RNH1: variants seen among roughly 807,000 people sequenced by gnomAD.
RNH1 encodes ribonuclease/angiogenin inhibitor 1.
Under a neutral mutation model 46.1 loss-of-function variants are expected in RNH1, and 38 were observed. The ratio of observed to expected loss-of-function variants is 0.82; its 90% CI spans 0.64 to 1.08. The LOEUF (loss-of-function observed/expected upper bound fraction) is 1.08, where lower values mean the gene tolerates loss of function less well. RNH1 is among the 50% of genes least tolerant of loss of function. The probability of loss-of-function intolerance (pLI) is 0.00; values close to 1 mark genes in which losing one functional copy is unlikely to be tolerated. For synonymous variants in RNH1, 319 were observed against 279.1 expected, an observed-to-expected ratio of 1.14 and a Z score of -1.43; for missense variants, 577 against 590.7, an observed-to-expected ratio of 0.98 and a Z score of 0.24.
chr11:495,883 C>T (rs563974985), intron 9 of RNH1, among the ~76,000 whole-genome samples: 17 of 152,142 alleles, frequency 1.1e-4, no homozygotes, highest in Non-Finnish European at 2.2e-4. Flanking sequence ...CAGCCACCCA[C>T]GGAAAGCCCC....
At position 501,021 on chromosome 11, in the gene RNH1, G is replaced by A. The variant is rs556699636; in HGVS notation, c.102-367C>T. ...CGCATGCCCATAATCCCAGCTACTC[G>A]GGAGGCTGAGGCAGGAGGATCACTT... On this transcript the variant is annotated intron_variant, in intron 3 of 10. Coordinates refer to ENST00000354420, the MANE Select transcript of RNH1 (RefSeq NM_203387.3). The surrounding 1 kb of genome is among the most constrained non-coding windows in gnomAD (Gnocchi z 4.1). The A allele has an allele frequency of 1.1e-4, 40 of 368,540 alleles. No homozygotes were observed. Among genetic ancestry groups the A allele is most frequent in the South Asian group, 7.8e-4 (37 of 47,418 alleles). The allele number at this position is 368,540 out of a possible 1,614,324, so 22.8% of individuals were successfully genotyped here.
Position 494,936 on chromosome 11 carries a change from G to A in RNH1, c.1245C>T (p.Ile415=). The A allele has an allele frequency of 1.9e-6, 3 of 1,610,040 alleles. No individual in the cohort carries two copies. The highest frequency in any genetic ancestry group is 2.5e-6 in the Non-Finnish European group (3 of 1,178,564). The change falls in exon 10 of 11, where the codon ATC becomes ATT. Residue 415 remains isoleucine, a synonymous_variant. Coordinates refer to ENST00000354420, the MANE Select transcript of RNH1 (RefSeq NM_203387.3). ...GCCGGACGCTCTCCACCAGCTGCAG[G>A]ATGCCGGCGTCCCCCAGGCAGTTGT... ...LSNNCLGDAG[I]LQLVESVRQP... is the part of the protein sequence containing the mutation.
rs1848947389 is a variant in RNH1 at position 495,181 on chromosome 11, C to A, written c.1128-128G>T. ...GGCAACTCAGGACCCTCAGGTGGGGCCGTCCCCAAGGCTCACCGTCCCTGT... is the reference window on the plus strand; with the variant it reads ...GGCAACTCAGGACCCTCAGGTGGGGACGTCCCCAAGGCTCACCGTCCCTGT... On this transcript the variant is annotated intron_variant, in intron 9 of 10. Coordinates refer to ENST00000354420, the MANE Select transcript of RNH1 (RefSeq NM_203387.3). 5.2e-6 allele frequency: 5 copies of A among 952,652 alleles called. No individual in the cohort carries two copies. The South Asian group carries it at 7.5e-5, about 14-fold the overall frequency. 59.0% of individuals were successfully genotyped at this position (952,652 alleles called of 1,614,324 possible). A position where few individuals can be genotyped will look rare whatever the true frequency, so the allele number is the denominator to read the frequency against.
intron 4 of RNH1, 58 bp from the exon 5 acceptor site, chr11:500,057 C>T: frequency 6.8e-7 from 1 of 1,468,856 alleles, no homozygotes; most frequent in Non-Finnish European, 9.0e-7. Context: ...ACGCCCTTCG[C>T]CTGCCAGAGC....
intron 4 of RNH1, 96 bp downstream of exon 4, chr11:500,388 G>C (rs891667703): frequency 7.1e-7 from 1 of 1,402,708 alleles, no homozygotes. Flanking sequence ...CTGTCCACCT[G>C]CAGCTGCCCA....
At chr11:499,758 G>T in intron 5 of RNH1, 71 bp downstream of exon 5, 1 of 1,558,330 alleles carries the variant, frequency 6.4e-7, no homozygotes, top group South Asian at 1.2e-5. Context: ...GGCAGGCGAT[G>T]TTCTATGTAG....
chr11:497,936 C>A (rs775999684), intron 9 of RNH1, 35 bp downstream of exon 9: 1 of 1,596,100 alleles, frequency 6.3e-7, no homozygotes, highest in South Asian at 1.1e-5. Context: ...ATATGATCTC[C>A]CAAATGTGCA....
In RNH1 at chr11:498,106, G is replaced by A. The variant is rs1422131710; in HGVS notation, c.992C>T (p.Ser331Phe). Residue 331 changes from serine (S) to phenylalanine (F), a missense_variant, in exon 9 of 11, where the codon TCC becomes TTC. Physicochemically the swap from Ser to Phe is radical, Grantham distance 155 (BLOSUM62 -2). Transcript: ENST00000354420. ...CTGGGCCAGCACTGAGCTGAAGTGG[G>A]AGCAGCAGGCGGCTGTGAAGCTGCA... is the stretch of plus-strand genomic sequence containing the variant. ...KSCSFTAACC[S>F]HFSSVLAQNR... The A allele has an allele frequency of 3.7e-6, 6 of 1,613,876 alleles. No individual in the cohort carries two copies. The highest frequency in any genetic ancestry group is 2.2e-5 in the East Asian group (1 of 44,904).
rs1327677309 is a variant in RNH1, at chr11:507,224, C to T, written c.-372G>A. 1 of 152,186 alleles carries T rather than the reference C, an allele frequency of 6.6e-6. No individual in the cohort carries two copies. The highest frequency in any genetic ancestry group is 2.4e-5 in the African/African-American group (1 of 41,434). 9.4% of individuals were successfully genotyped at this position (152,186 alleles called of 1,614,324 possible). A position where few individuals can be genotyped will look rare whatever the true frequency, so the allele number is the denominator to read the frequency against. ...CGTGTCGACAACCCCACCCGCCAGT[C>T]AGCGGCGCGGGCGTGTTCGAGCCGG... On this transcript the variant is annotated 5_prime_UTR_variant, in exon 1 of 11. Coordinates refer to ENST00000354420, the MANE Select transcript of RNH1 (RefSeq NM_203387.3).
At chr11:505,814 C>T (rs949668706) in intron 1 of RNH1, 1 of 152,202 alleles carries the variant, frequency 6.6e-6, no homozygotes, top group African/African-American at 2.4e-5. Flanking sequence ...AAGAGATCCG[C>T]CCGCCTCGGC....
intron 9 of RNH1, among the ~76,000 whole-genome samples, chr11:497,637 G>A (rs12791261): frequency 1.6e-5 from 2 of 128,364 alleles, no homozygotes; most frequent in Non-Finnish European, 3.2e-5. Context: ...GCTCACACAC[G>A]GACACTCGTG....
Position 501,163 on chromosome 11 carries a change from T to G in RNH1, c.102-509A>C. Reference sequence around the variant, plus strand: ...TTAAAGTATCTCTCGAAGGCACTGATCAGTCACAGGAGGAAAGGCAGTGGC... The same window carrying G: ...TTAAAGTATCTCTCGAAGGCACTGAGCAGTCACAGGAGGAAAGGCAGTGGC... On this transcript the variant is annotated intron_variant, in intron 3 of 10. Coordinates refer to ENST00000354420, the MANE Select transcript of RNH1 (RefSeq NM_203387.3). The surrounding 1 kb of genome is among the most constrained non-coding windows in gnomAD (Gnocchi z 4.1). The G allele has an allele frequency of 3.6e-6, 1 of 276,332 alleles. No individual in the cohort carries two copies. Among genetic ancestry groups the G allele is most frequent in the Non-Finnish European group, 7.1e-6 (1 of 140,562 alleles). The allele number at this position is 276,332 out of a possible 1,614,324, so 17.1% of individuals were successfully genotyped here.
chr11:499,673 C>A, intron 5 of RNH1, 156 bp downstream of exon 5: 1 of 880,508 alleles, frequency 1.1e-6, no homozygotes, highest in Non-Finnish European at 1.8e-6. Flanking sequence ...CACCACAAGG[C>A]CCCAGACCCA....
Position 502,390 on chromosome 11 carries a change from C to T in RNH1, c.-87-141G>A. The T allele has an allele frequency of 1.7e-6, 1 of 579,870 alleles. No homozygotes were observed. 35.9% of individuals were successfully genotyped at this position (579,870 alleles called of 1,614,324 possible). A position where few individuals can be genotyped will look rare whatever the true frequency, so the allele number is the denominator to read the frequency against. The stretch of plus-strand genomic sequence containing the variant: ...GGGGCAGGGGGCAGGGACCAGCACC[C>T]ACCCCCAGAAAGGCCACCATGGGCA... On this transcript the variant is annotated intron_variant, in intron 2 of 10. Transcript: ENST00000354420. The surrounding 1 kb of genome is among the most constrained non-coding windows in gnomAD (Gnocchi z 5.8).
In RNH1 at chr11:502,614, G is replaced by C. The variant is rs1849854219; in HGVS notation, c.-87-365C>G. ...CCCCAGCAGGGGAGCAAGGGGGTCT[G>C]TGGGCTTGACCTGTGTCTCACCCTC... On this transcript the variant is annotated intron_variant, in intron 2 of 10. Transcript: ENST00000354420. This position sits in a 1 kb window ranked among gnomAD's most constrained non-coding sequence, Gnocchi z 5.8. 2 of 217,210 alleles carry C rather than the reference G, an allele frequency of 9.2e-6. No homozygotes were observed. The highest frequency in any genetic ancestry group is 4.5e-5 in the African/African-American group (2 of 44,368). 13.5% of individuals were successfully genotyped at this position (217,210 alleles called of 1,614,324 possible).
rs781351126 is a variant in RNH1 at position 502,196 on chromosome 11, G to A, written c.-34C>T. The A allele has an allele frequency of 1.3e-6, 2 of 1,530,136 alleles. No individual in the cohort carries two copies. Among genetic ancestry groups the A allele is most frequent in the Non-Finnish European group, 1.8e-6 (2 of 1,114,500 alleles). 94.8% of individuals were successfully genotyped at this position (1,530,136 alleles called of 1,614,324 possible). A position where few individuals can be genotyped will look rare whatever the true frequency, so the allele number is the denominator to read the frequency against. On this transcript the variant is annotated 5_prime_UTR_variant, in exon 3 of 11. Coordinates refer to ENST00000354420, the MANE Select transcript of RNH1 (RefSeq NM_203387.3). The surrounding 1 kb of genome is among the most constrained non-coding windows in gnomAD (Gnocchi z 5.8). ...TGAAGAGTGGCCTGGGTGGGAGGCA[G>A]AGGGAAGAGGACGTCTTGGCCGAAT...
chr11:504,115 AC>A (rs1344675056), intron 2 of RNH1, among the ~76,000 whole-genome samples: 1 of 152,094 alleles, frequency 6.6e-6, no homozygotes. Flanking sequence ...TCTCCGCAGC[AC>A]CCAAGGCCTG....
chr11:495,011 G>A lies in RNH1; in HGVS notation c.1170C>T (p.Leu390=), dbSNP rs760790035. ...CDVSDSSCSS[L]AATLLANHSL... ...TGTGGTTGGCCAACAGGGTTGCGGC[G>A]AGGCTGCTGCAGCTGCTGTCACTCA... Residue 390 remains leucine, a synonymous_variant, in exon 10 of 11, where the codon CTC becomes CTT. Coordinates refer to ENST00000354420, the MANE Select transcript of RNH1 (RefSeq NM_203387.3). 8 of 1,604,810 alleles carry A rather than the reference G, an allele frequency of 5.0e-6. No homozygotes were observed. The highest frequency in any genetic ancestry group is 6.8e-6 in the Non-Finnish European group (8 of 1,176,450).
chr11:499,229 G>A (rs747918175), intron 5 of RNH1, 44 bp from the exon 6 acceptor site: 5 of 1,600,398 alleles, frequency 3.1e-6, no homozygotes, highest in South Asian at 1.1e-5. Flanking sequence ...ATGTGCACCA[G>A]CCAAGGGTGT....
Sources: gnomAD v4.1 joint callset for allele counts (sites outside exome capture counted in the v4.1 genomes callset) on GRCh38, gnomAD v4.1.1 for gene constraint, Gnocchi (gnomAD v3.1) non-coding constraint, MANE v1.5 for transcripts, NCBI Gene and HGNC (gene_info 2026-07-23, HGNC 2026-07-21) for gene names.